Variants in TRIO observed in about 807,000 individuals in gnomAD.
The protein encoded by TRIO is triple functional domain protein.
A neutral mutation model predicts 351.9 loss-of-function variants in TRIO; 58 were observed. The ratio of observed to expected loss-of-function variants is 0.16; its 90% CI spans 0.13 to 0.21. The LOEUF (loss-of-function observed/expected upper bound fraction) is 0.21, where lower values mean the gene tolerates loss of function less well. TRIO is among the 10% of genes least tolerant of loss of function. The pLI is 1.00. For synonymous variants in TRIO, 1,758 were observed against 1,595.7 expected (o/e 1.10, Z -2.42); for missense variants, 3,201 against 4,027.8 (o/e 0.79, Z 5.56).
At chr5:14,490,915 A>G (rs1756435110) in intron 48 of TRIO, 1 of 453,702 alleles carries the variant, frequency 2.2e-6, no homozygotes, top group Non-Finnish European at 4.4e-6. Context: ...AGTCCATGCT[A>G]AAAGTATAAT....
At chr5:14,199,595 G>A (rs1339322430) in intron 1 of TRIO, among the ~76,000 whole-genome samples, 1 of 152,204 alleles carries the variant, frequency 6.6e-6, no homozygotes, top group Non-Finnish European at 1.5e-5. Flanking sequence ...TGGAGAGGAT[G>A]GCAGAGAAGC....
At chr5:14,383,710 T>C (rs1746312246) in intron 21 of TRIO, among the ~76,000 whole-genome samples, 2 of 152,204 alleles carry the variant, frequency 1.3e-5, no homozygotes, top group African/African-American at 4.8e-5. Flanking sequence ...CCTTTCCTTT[T>C]CTTAGCAATC....
At chr5:14,376,184 C>G (rs938903148) in intron 19 of TRIO, among the ~76,000 whole-genome samples, 1 of 152,184 alleles carries the variant, frequency 6.6e-6, no homozygotes, top group Non-Finnish European at 1.5e-5. Flanking sequence ...GCTAGGAACT[C>G]AGTAAGTATT....
intron 33 of TRIO, among the ~76,000 whole-genome samples, chr5:14,409,229 T>C (rs892933245): frequency 3.3e-5 from 5 of 152,144 alleles, no homozygotes; most frequent in Non-Finnish European, 7.3e-5. Flanking sequence ...TAAGTCTCTA[T>C]CCTGGAGTTA....
At chr5:14,168,615 C>T (rs1347803471) in intron 1 of TRIO, among the ~76,000 whole-genome samples, 1 of 152,192 alleles carries the variant, frequency 6.6e-6, no homozygotes, top group African/African-American at 2.4e-5. Flanking sequence ...TGGTGCATGT[C>T]TTCTTCCTGT....
At chr5:14,413,514 A>G (rs1430612666) in intron 33 of TRIO, among the ~76,000 whole-genome samples, 3 of 152,214 alleles carry the variant, frequency 2.0e-5, no homozygotes, top group Non-Finnish European at 2.9e-5. Flanking sequence ...GCTCTGAGTG[A>G]TGGGTTCCGT....
At chr5:14,272,333 G>T (rs1045285997) in intron 2 of TRIO, among the ~76,000 whole-genome samples, 1 of 152,174 alleles carries the variant, frequency 6.6e-6, no homozygotes. Context: ...TTGTGTTTCT[G>T]AACGTTTTGT....
chr5:14,400,817 A>C (rs1748010797), intron 30 of TRIO, 146 bp from the exon 31 acceptor site: 1 of 672,614 alleles, frequency 1.5e-6, no homozygotes, highest in African/African-American at 1.8e-5. Context: ...TGTCCTCATT[A>C]TAACTCACAT....
chr5:14,216,766 G>T (rs1213020804), intron 1 of TRIO, among the ~76,000 whole-genome samples: 2 of 152,252 alleles, frequency 1.3e-5, no homozygotes, highest in Non-Finnish European at 2.9e-5. Context: ...CAGGGAAACT[G>T]CCTCCAAGGG....
chr5:14,202,700 A>G (rs1791213165), intron 1 of TRIO, among the ~76,000 whole-genome samples: 1 of 146,802 alleles, frequency 6.8e-6, no homozygotes, highest in Admixed American at 6.9e-5. Context: ...CTTGGCTCTC[A>G]TTATCTCGTC....
Position 14,509,408 on chromosome 5 carries a change from G to T in TRIO, c.*986G>T. On this transcript the variant is annotated 3_prime_UTR_variant, in exon 57 of 57. Coordinates refer to ENST00000344204, the MANE Select transcript of TRIO (RefSeq NM_007118.4). ...TGTGTGTTGGGGTTGGCGGGTGGGT[G>T]GGTAGGGTCGTAGCCCTGTGCCATC... The T allele has an allele frequency of 4.3e-6, 2 of 465,726 alleles. No homozygotes were observed. The highest frequency in any genetic ancestry group is 1.2e-4 in the East Asian group (2 of 16,242). The allele number at this position is 465,726 out of a possible 1,614,324, so 28.8% of individuals were successfully genotyped here.
At chr5:14,460,506 CT>C (rs1753699109) in intron 34 of TRIO, among the ~76,000 whole-genome samples, 1 of 152,212 alleles carries the variant, frequency 6.6e-6, no homozygotes, top group South Asian at 2.1e-4. Flanking sequence ...CACAATTCTG[CT>C]TTTGTTCACT....
rs149280891 is a variant in TRIO at position 14,494,142 on chromosome 5, T to C, written c.7880+1328T>C. 2.6e-3 allele frequency among the ~76,000 whole-genome samples: 390 copies of C among 152,336 alleles called. 1 individual carries two copies. Among genetic ancestry groups the C allele is most frequent in the African/African-American group, 8.5e-3 (355 of 41,586 alleles). On this transcript the variant is annotated intron_variant, in intron 49 of 56. Coordinates refer to ENST00000344204, the MANE Select transcript of TRIO (RefSeq NM_007118.4). ...CATTTATTTACCCTTCTGAAAATCC[T>C]GGGGTCCTTAAGAACCATGCTAATT...
At chr5:14,355,479 A>G (rs997677380) in intron 11 of TRIO, among the ~76,000 whole-genome samples, 5 of 152,196 alleles carry the variant, frequency 3.3e-5, no homozygotes, top group Non-Finnish European at 5.9e-5. Context: ...TCCCTGTTTT[A>G]GCAAACTGAG....
At chr5:14,505,655 C>T (rs1442410434) in intron 55 of TRIO, among the ~76,000 whole-genome samples, 7 of 152,142 alleles carry the variant, frequency 4.6e-5, no homozygotes, top group Non-Finnish European at 8.8e-5. Flanking sequence ...TCCCCATACC[C>T]TTCCTAGGGC....
chr5:14,220,499 C>T (rs189329439), intron 1 of TRIO, among the ~76,000 whole-genome samples: 71 of 152,308 alleles, frequency 4.7e-4, no homozygotes, highest in African/African-American at 1.7e-3. Context: ...AATGATTAAA[C>T]CTAGTGAAGA....
At chr5:14,152,791 A>T (rs1787913385) in intron 1 of TRIO, among the ~76,000 whole-genome samples, 1 of 152,164 alleles carries the variant, frequency 6.6e-6, no homozygotes, top group African/African-American at 2.4e-5. Context: ...TGTACCTTTT[A>T]CTCACGTGCC....
intron 20 of TRIO, among the ~76,000 whole-genome samples, 160 bp from the exon 21 acceptor site, chr5:14,380,970 A>C (rs141881386): frequency 6.6e-6 from 1 of 152,226 alleles, no homozygotes; most frequent in Non-Finnish European, 1.5e-5. Flanking sequence ...TTGTGGTCAC[A>C]CTTCAGTTTT....
intron 1 of TRIO, among the ~76,000 whole-genome samples, chr5:14,226,352 C>G (rs1034662558): frequency 6.6e-6 from 1 of 152,204 alleles, no homozygotes; most frequent in African/African-American, 2.4e-5. Context: ...GCTAGCGCAG[C>G]TGTGTTTTTA....
Sources: allele counts gnomAD v4.1 joint callset (sites outside exome capture counted in the v4.1 genomes callset), GRCh38; gene constraint gnomAD v4.1.1; transcripts MANE v1.5; gene names NCBI Gene and HGNC (gene_info 2026-07-23, HGNC 2026-07-21).